The following COL7A1 variants were observed in gnomAD, a reference collection of about 807,000 sequenced individuals.
COL7A1 encodes the protein collagen alpha-1(VII) chain.
In COL7A1, 296 loss-of-function variants were observed where a neutral mutation model predicts 456.2. The ratio of observed to expected loss-of-function variants is 0.65; its 90% CI spans 0.59 to 0.71. The LOEUF is 0.71. Ranked by LOEUF, COL7A1 falls within the 30% of genes least tolerant of loss-of-function variation. The pLI is 0.00. For missense variants in COL7A1, 3,441 were observed against 4,017.2 expected (o/e 0.86, Z 3.88); for synonymous variants, 1,464 against 1,525.9 (o/e 0.96, Z 0.95).
At position 48,592,387 on chromosome 3, in the gene COL7A1, C is replaced by T; in HGVS notation, c.1057G>A (p.Ala353Thr). The T allele has an allele frequency of 6.2e-7, 1 of 1,613,802 alleles. No homozygotes were observed. The highest frequency in any genetic ancestry group is 8.5e-7 in the Non-Finnish European group (1 of 1,180,042). ...LLVAWRSVPG[A>T]TGYRVTWRVL... ...CGCCATGTCACACGGTAGCCAGTGG[C>T]ACCTGGCACACTCCGCCAGGCCACC... The change falls in exon 9 of 119, where the codon GCC (alanine) becomes ACC (threonine). Residue 353 changes from alanine (A) to threonine (T), a missense_variant. Physicochemically the swap from Ala to Thr is moderately conservative, Grantham distance 58 (BLOSUM62 0). This residue lies in a region of COL7A1 where 913 missense variants were observed against 1,088.2 expected (regional missense o/e 0.84). Coordinates refer to ENST00000681320, the MANE Select transcript of COL7A1 (RefSeq NM_000094.4). This position sits in a 1 kb window ranked among gnomAD's most constrained non-coding sequence, Gnocchi z 7.6.
In COL7A1 at chr3:48,587,814, C is replaced by T. The variant is rs368852993; in HGVS notation, c.2836G>A (p.Ala946Thr). The T allele has an allele frequency of 5.6e-6, 9 of 1,613,304 alleles. 1 individual carries two copies. Among genetic ancestry groups the T allele is most frequent in the Non-Finnish European group, 6.8e-6 (8 of 1,179,994 alleles). Residue 946 changes from alanine to threonine, a missense_variant, in exon 22 of 119, where the codon GCA becomes ACA. Physicochemically the swap from Ala to Thr is moderately conservative, Grantham distance 58. This residue lies in a region of COL7A1 where 444 missense variants were observed against 427.6 expected (regional missense o/e 1.04). Coordinates refer to ENST00000681320, the MANE Select transcript of COL7A1 (RefSeq NM_000094.4). The surrounding 1 kb of genome is among the most constrained non-coding windows in gnomAD (Gnocchi z 6.1). ...VLGPAGEGPSAEVTARTESPR... is the reference protein window; with the variant it reads ...VLGPAGEGPSTEVTARTESPR... Reference sequence around the variant, plus strand: ...TTACCAGTGCGCGCAGTCACCTCTGCAGAGGGCCCTTCTCCAGCTGGCCCT... The same window carrying T: ...TTACCAGTGCGCGCAGTCACCTCTGTAGAGGGCCCTTCTCCAGCTGGCCCT...
chr3:48,589,365 C>T lies in COL7A1; in HGVS notation c.2276G>A (p.Gly759Asp), dbSNP rs777227959. The T allele has an allele frequency of 1.2e-6, 2 of 1,612,926 alleles. No homozygotes were observed. Among genetic ancestry groups the T allele is most frequent in the Non-Finnish European group, 1.7e-6 (2 of 1,179,994 alleles). Residue 759 changes from glycine (G) to aspartate (D), a missense_variant, in exon 18 of 119, where the codon GGC (glycine) becomes GAC (aspartate). Physicochemically the swap from Gly to Asp is moderately conservative, Grantham distance 94 (BLOSUM62 -1). This residue lies in a region of COL7A1 where 913 missense variants were observed against 1,088.2 expected (regional missense o/e 0.84). Coordinates refer to ENST00000681320, the MANE Select transcript of COL7A1 (RefSeq NM_000094.4). ...YTVHVRAHVAGVDGPPASVVV... is the reference protein window; with the variant it reads ...YTVHVRAHVADVDGPPASVVV... ...CACAGAGGCAGGGGGCCCATCCACG[C>T]CAGCCACATGGGCCCTCACATGCAC...
rs750831829 is a variant in COL7A1, at chr3:48,590,624, C to CCCT, written c.1781-41_1781-40insAGG. On this transcript the variant is annotated intron_variant, in intron 14 of 118. Coordinates refer to ENST00000681320, the MANE Select transcript of COL7A1 (RefSeq NM_000094.4). The surrounding 1 kb of genome is among the most constrained non-coding windows in gnomAD (Gnocchi z 4.6). ...CAGAAGTCAGAAGTCAGAACCAGGA[C>CCCT]CAGAGTGAGGCAGGCAGCTGTCCTC... 1.2e-6 allele frequency: 2 copies of CCCT among 1,614,056 alleles called. No homozygotes were observed. Among genetic ancestry groups the CCCT allele is most frequent in the South Asian group, 2.2e-5 (2 of 91,084 alleles).
chr3:48,582,773 C>A, intron 44 of COL7A1, 120 bp from the exon 45 acceptor site: 1 of 1,224,390 alleles, frequency 8.2e-7, no homozygotes, highest in Non-Finnish European at 1.2e-6. Flanking sequence ...TTTAGGTTGG[C>A]AGGGGTAAGA....
At position 48,581,674 on chromosome 3, in the gene COL7A1, C is replaced by T. The variant is rs748037096; in HGVS notation, c.4722+32G>A. ...AAGAAGTCAGGAAGACAACCTTCAC[C>T]AACTGCCCCCTAAACACTTCGCTTC... On this transcript the variant is annotated intron_variant, in intron 49 of 118. Transcript: ENST00000681320. This position sits in a 1 kb window ranked among gnomAD's most constrained non-coding sequence, Gnocchi z 5.8. The T allele has an allele frequency of 5.6e-6, 9 of 1,614,012 alleles. No individual in the cohort carries two copies. Among genetic ancestry groups the T allele is most frequent in the African/African-American group, 4.0e-5 (3 of 74,898 alleles).
chr3:48,588,708 A>T lies in COL7A1; in HGVS notation c.2521T>A (p.Ser841Thr), dbSNP rs1184952780. The T allele has an allele frequency of 6.2e-7, 1 of 1,613,782 alleles. No homozygotes were observed. Among genetic ancestry groups the T allele is most frequent in the East Asian group, 2.2e-5 (1 of 44,908 alleles). Residue 841 changes from serine to threonine, a missense_variant, in exon 20 of 119, where the codon TCA (serine) becomes ACA (threonine). Physicochemically the swap from Ser to Thr is moderately conservative, Grantham distance 58. Transcript: ENST00000681320. This position sits in a 1 kb window ranked among gnomAD's most constrained non-coding sequence, Gnocchi z 4.6. ...IRGLEGGVSY[S>T]VRVTALVGDR... Reference sequence around the variant, plus strand: ...CCGACAAGTGCAGTCACTCGCACTGAGTAGCTGACTCCACCTTCGAGACCC... The same window carrying T: ...CCGACAAGTGCAGTCACTCGCACTGTGTAGCTGACTCCACCTTCGAGACCC...
At position 48,583,645 on chromosome 3, in the gene COL7A1, C is replaced by G. The variant is rs201049054; in HGVS notation, c.4342-30G>C. The G allele has an allele frequency of 6.2e-7, 1 of 1,613,896 alleles. No individual in the cohort carries two copies. The highest frequency in any genetic ancestry group is 1.1e-5 in the South Asian group (1 of 91,072). On this transcript the variant is annotated intron_variant, in intron 40 of 118. Transcript: ENST00000681320. The surrounding 1 kb of genome is among the most constrained non-coding windows in gnomAD (Gnocchi z 5.1). Reference sequence around the variant, plus strand: ...AGGAGAAACACACGGGTGGGAAGACCGAAGGGAGGCCCTGCCCCCAGCACG... The same window carrying G: ...AGGAGAAACACACGGGTGGGAAGACGGAAGGGAGGCCCTGCCCCCAGCACG...
Position 48,570,309 on chromosome 3 carries a change from C to G in COL7A1, c.7406G>C (p.Gly2469Ala). The G allele has an allele frequency of 6.2e-7, 1 of 1,614,086 alleles. No individual in the cohort carries two copies. The highest frequency in any genetic ancestry group is 8.5e-7 in the Non-Finnish European group (1 of 1,179,970). The change falls in exon 98 of 119, where the codon GGG (glycine) becomes GCG (alanine). Residue 2469 changes from glycine (G) to alanine (A), a missense_variant. By Grantham distance (60) the Gly-to-Ala change is moderately conservative (BLOSUM62 0). Coordinates refer to ENST00000681320, the MANE Select transcript of COL7A1 (RefSeq NM_000094.4). The surrounding 1 kb of genome is among the most constrained non-coding windows in gnomAD (Gnocchi z 5.5). ...DKGDPGVGLP[G>A]PRGERGEPGI... is the part of the protein sequence containing the mutation. Reference sequence around the variant, plus strand: ...TGGCTCCCCACGCTCGCCTCGGGGCCCAGGCAGCCCTACTCCAGGGTCTCC... The same window carrying G: ...TGGCTCCCCACGCTCGCCTCGGGGCGCAGGCAGCCCTACTCCAGGGTCTCC...
Position 48,569,886 on chromosome 3 carries a change from C to T in COL7A1, c.7515G>A (p.Gly2505=), listed in dbSNP as rs2107643692. 6.2e-7 allele frequency: 1 copy of T among 1,614,136 alleles called. No homozygotes were observed. The part of the protein sequence containing the change: ...TGPPGSRGER[G]EKGDVGSAGL... ...ACCTTCCCCACGTTCCTACCTTCTC[C>T]CCACGCTCTCCCCTGCTGCCAGGGG... The change falls in exon 100 of 119, where the codon GGG becomes GGA. Residue 2505 remains glycine, a synonymous_variant. Transcript: ENST00000681320. This position sits in a 1 kb window ranked among gnomAD's most constrained non-coding sequence, Gnocchi z 4.9.
At position 48,579,087 on chromosome 3, in the gene COL7A1, C is replaced by G. The variant is rs2044536445; in HGVS notation, c.5388+110G>C. 1 of 1,555,692 alleles carries G rather than the reference C, an allele frequency of 6.4e-7. No individual in the cohort carries two copies. Among genetic ancestry groups the G allele is most frequent in the Non-Finnish European group, 8.9e-7 (1 of 1,129,548 alleles). On this transcript the variant is annotated intron_variant, in intron 62 of 118. Transcript: ENST00000681320. The surrounding 1 kb of genome is among the most constrained non-coding windows in gnomAD (Gnocchi z 4.4). Reference sequence around the variant, plus strand: ...CTGGGAGAAGACACAGACAACAGGTCTCGCCCCAGAGCTCGTCAAGGCCAA... The same window carrying G: ...CTGGGAGAAGACACAGACAACAGGTGTCGCCCCAGAGCTCGTCAAGGCCAA...
At position 48,590,356 on chromosome 3, in the gene COL7A1, C is replaced by A. The variant is rs116005007; in HGVS notation, c.1907G>T (p.Gly636Val). Residue 636 changes from glycine to valine, a missense_variant and splice_region_variant, in exon 16 of 119, where the codon GGT (glycine) becomes GTT (valine). Around this residue, in one of 3 missense-constraint regions of COL7A1, gnomAD observed 913 missense variants for 1,088.2 expected, o/e 0.84. Transcript: ENST00000681320. This position sits in a 1 kb window ranked among gnomAD's most constrained non-coding sequence, Gnocchi z 4.6. Reference protein sequence around the residue: ...GFRISWSTGSGPESSQTLPPD... With the variant: ...GFRISWSTGSVPESSQTLPPD... ...GGGCAGTGTCTGGCTGGACTCCGGACCTGAGGTCAGAGGGAAATGCTGGCA... is the reference window on the plus strand; with the variant it reads ...GGGCAGTGTCTGGCTGGACTCCGGAACTGAGGTCAGAGGGAAATGCTGGCA... 6.1e-3 allele frequency: 9,922 copies of A among 1,614,038 alleles called. 42 individuals carry two copies. Among genetic ancestry groups the A allele is most frequent in the Non-Finnish European group, 7.7e-3 (9,069 of 1,179,994 alleles).
At position 48,570,030 on chromosome 3, in the gene COL7A1, G is replaced by C; in HGVS notation, c.7485+104C>G. The C allele has an allele frequency of 1.3e-6, 2 of 1,594,278 alleles. No individual in the cohort carries two copies. Among genetic ancestry groups the C allele is most frequent in the Non-Finnish European group, 1.7e-6 (2 of 1,163,090 alleles). On this transcript the variant is annotated intron_variant, in intron 99 of 118. Coordinates refer to ENST00000681320, the MANE Select transcript of COL7A1 (RefSeq NM_000094.4). This position sits in a 1 kb window ranked among gnomAD's most constrained non-coding sequence, Gnocchi z 5.5. ...AGACAAAGGGGACAGGGGTAGACGA[G>C]GAGGGCCAGAGGGCTAGGGAGGATG...
chr3:48,594,542 C>T lies in COL7A1; in HGVS notation c.92G>A (p.Cys31Tyr), dbSNP rs1303123894. ...VRAQHRERVTCTRLYAADIVF... is the reference protein window; with the variant it reads ...VRAQHRERVTYTRLYAADIVF... The stretch of plus-strand genomic sequence containing the variant: ...AATGTCAGCGGCGTAAAGGCGCGTG[C>T]AGGTCACTGGGGCGGGCAGGAGAGA... The change falls in exon 3 of 119, where the codon TGC (cysteine) becomes TAC (tyrosine). Residue 31 changes from cysteine to tyrosine, a missense_variant. Around this residue, in one of 3 missense-constraint regions of COL7A1, gnomAD observed 913 missense variants for 1,088.2 expected, o/e 0.84. Transcript: ENST00000681320. This position sits in a 1 kb window ranked among gnomAD's most constrained non-coding sequence, Gnocchi z 5.5. The T allele has an allele frequency of 6.3e-7, 1 of 1,596,872 alleles. No homozygotes were observed. Among genetic ancestry groups the T allele is most frequent in the Non-Finnish European group, 8.5e-7 (1 of 1,173,616 alleles).
Position 48,588,867 on chromosome 3 carries a change from T to C in COL7A1, c.2440+3A>G, listed in dbSNP as rs2045486359. The C allele has an allele frequency of 6.2e-7, 1 of 1,613,570 alleles. No homozygotes were observed. The highest frequency in any genetic ancestry group is 8.5e-7 in the Non-Finnish European group (1 of 1,180,028). Reference sequence around the variant, plus strand: ...GGACAGGGGTGGCGTCAGGGAGCCATACCTTCACTCCGGCCCCAGGCCAGT... The same window carrying C: ...GGACAGGGGTGGCGTCAGGGAGCCACACCTTCACTCCGGCCCCAGGCCAGT... On this transcript the variant is annotated splice_donor_region_variant and intron_variant, in intron 19 of 118. Transcript: ENST00000681320. The surrounding 1 kb of genome is among the most constrained non-coding windows in gnomAD (Gnocchi z 4.6).
chr3:48,590,215 G>C lies in COL7A1; in HGVS notation c.2048C>G (p.Thr683Arg), dbSNP rs201852525. The C allele has an allele frequency of 6.2e-7, 1 of 1,612,938 alleles. No homozygotes were observed. Residue 683 changes from threonine to arginine, a missense_variant and splice_region_variant, in exon 16 of 119, where the codon ACG (threonine) becomes AGG (arginine). By Grantham distance (71) the Thr-to-Arg change is moderately conservative (BLOSUM62 -1). This residue lies in a region of COL7A1 where 913 missense variants were observed against 1,088.2 expected (regional missense o/e 0.84). Transcript: ENST00000681320. The surrounding 1 kb of genome is among the most constrained non-coding windows in gnomAD (Gnocchi z 4.6). ...EGPAAVIVAR[T>R]DPLGPVRTVH... is the part of the protein sequence containing the mutation. ...AAGGGACGGGGGCAGGGCCTGACCC[G>C]TTCGAGCCACGATGACTGCAGCAGG...
rs1457768401 is a variant in COL7A1 at position 48,582,478 on chromosome 3, C to T, written c.4599G>A (p.Lys1533=). The stretch of plus-strand genomic sequence containing the variant: ...GTGCCACCCCCAGCCGAGGACCCAC[C>T]TTCTCTCCTTGGCGGCCAGTGGGTC... ...PPGPTGRQGE[K]GEPGRPGDPA... Residue 1533 remains lysine, a splice_region_variant and synonymous_variant, in exon 46 of 119, where the codon AAG becomes AAA. Coordinates refer to ENST00000681320, the MANE Select transcript of COL7A1 (RefSeq NM_000094.4). The T allele has an allele frequency of 6.2e-7, 1 of 1,614,164 alleles. No homozygotes were observed. Among genetic ancestry groups the T allele is most frequent in the East Asian group, 2.2e-5 (1 of 44,878 alleles).
intron 69 of COL7A1, 23 bp from the exon 70 acceptor site, chr3:48,576,458 G>A (rs2044304861): frequency 6.2e-7 from 1 of 1,613,266 alleles, no homozygotes. Flanking sequence ...ATGACCAGGT[G>A]GGGAAATGGC....
rs141170763 is a variant in COL7A1, at chr3:48,567,406, T to C, written c.8046+168A>G. The stretch of plus-strand genomic sequence containing the variant: ...CCACCTCCCATGCTTTCATCCTAAC[T>C]CCACTGTGACCCCAACCCACCTTGA... On this transcript the variant is annotated intron_variant, in intron 109 of 118. Transcript: ENST00000681320. This position sits in a 1 kb window ranked among gnomAD's most constrained non-coding sequence, Gnocchi z 4.3. The C allele has an allele frequency of 1.9e-3, 1,875 of 1,011,080 alleles. 15 individuals carry two copies. The African/African-American group carries it at 0.025, about 14-fold the overall frequency. The allele number at this position is 1,011,080 out of a possible 1,614,324, so 62.6% of individuals were successfully genotyped here.
Position 48,578,801 on chromosome 3 carries a change from C to A in COL7A1, c.5424+118G>T. The A allele has an allele frequency of 8.9e-7, 1 of 1,122,204 alleles. No individual in the cohort carries two copies. Among genetic ancestry groups the A allele is most frequent in the East Asian group, 2.6e-5 (1 of 38,888 alleles). 69.5% of individuals were successfully genotyped at this position (1,122,204 alleles called of 1,614,324 possible). On this transcript the variant is annotated intron_variant, in intron 63 of 118. Transcript: ENST00000681320. This position sits in a 1 kb window ranked among gnomAD's most constrained non-coding sequence, Gnocchi z 4.7. ...CTGTGTGCCAGGGACTGAGACCCTC[C>A]CAAAGGCAAGGCTGAACCGACCCCC...
Sources: gnomAD v4.1 joint callset for allele counts on GRCh38, gnomAD v4.1.1 for gene constraint, gnomAD v4.1.1 regional missense constraint, Gnocchi (gnomAD v3.1) non-coding constraint, MANE v1.5 for transcripts, NCBI Gene and HGNC (gene_info 2026-07-23, HGNC 2026-07-21) for gene names.